Variants in MGAT2 observed in about 807,000 individuals in gnomAD.
MGAT2 encodes Beta-1,2-N-acetylglucosaminyltransferase II.
A neutral mutation model predicts 33.8 loss-of-function variants in MGAT2; 17 were observed. The observed-to-expected ratio is 0.50, with a 90% CI of 0.34 to 0.76. The LOEUF (loss-of-function observed/expected upper bound fraction) is 0.76, where lower values mean the gene tolerates loss of function less well. MGAT2 is among the 30% of genes least tolerant of loss of function. The probability of loss-of-function intolerance (pLI) is 0.01; values close to 1 mark genes in which losing one functional copy is unlikely to be tolerated. For missense variants in MGAT2, 529 were observed against 553.9 expected (o/e 0.96, Z 0.45); for synonymous variants, 248 against 226.7 (o/e 1.09, Z -0.84).
Position 49,621,719 on chromosome 14 carries a change from T to G in MGAT2, c.451T>G (p.Phe151Val). 6.2e-7 allele frequency: 1 copy of G among 1,614,232 alleles called. No individual in the cohort carries two copies. Among genetic ancestry groups the G allele is most frequent in the Non-Finnish European group, 8.5e-7 (1 of 1,180,044 alleles). The change falls in exon 1 of 1, where the codon TTT (phenylalanine) becomes GTT (valine). Residue 151 changes from phenylalanine to valine, a missense_variant. Phe to Val is a conservative substitution (Grantham distance 50, BLOSUM62 -1). Coordinates refer to ENST00000305386, the MANE Select transcript of MGAT2 (RefSeq NM_002408.4). This position sits in a 1 kb window ranked among gnomAD's most constrained non-coding sequence, Gnocchi z 4.6. Reference protein sequence around the residue: ...AQGIDNVLVIFSHDFWSTEIN... With the variant: ...AQGIDNVLVIVSHDFWSTEIN... ...GGGAATTGACAACGTCCTCGTCATC[T>G]TTAGCCATGACTTCTGGTCGACCGA...
chr14:49,620,874 C>G lies in MGAT2; in HGVS notation c.-395C>G, dbSNP rs955322747. 2.9e-6 allele frequency: 2 copies of G among 690,848 alleles called. No homozygotes were observed. The highest frequency in any genetic ancestry group is 4.2e-5 in the Admixed American group (2 of 47,978). 42.8% of individuals were successfully genotyped at this position (690,848 alleles called of 1,614,324 possible). On this transcript the variant is annotated 5_prime_UTR_variant, in exon 1 of 1. Transcript: ENST00000305386. Reference sequence around the variant, plus strand: ...TCGCTCAGTTCTGGCCGTCTAGGGCCCCTGTAAGGATGAGAGCGCAGAGGA... The same window carrying G: ...TCGCTCAGTTCTGGCCGTCTAGGGCGCCTGTAAGGATGAGAGCGCAGAGGA...
chr14:49,621,175 G>T lies in MGAT2; in HGVS notation c.-94G>T, dbSNP rs978743608. Reference sequence around the variant, plus strand: ...CGGGGGCCAGTTCCGACCGTGACAGGCCAAGGCGACGGCCGCCGCCCGCCC... The same window carrying T: ...CGGGGGCCAGTTCCGACCGTGACAGTCCAAGGCGACGGCCGCCGCCCGCCC... On this transcript the variant is annotated 5_prime_UTR_variant, in exon 1 of 1. Transcript: ENST00000305386. The surrounding 1 kb of genome is among the most constrained non-coding windows in gnomAD (Gnocchi z 4.6). 29 of 1,575,866 alleles carry T rather than the reference G, an allele frequency of 1.8e-5. No individual in the cohort carries two copies. The Admixed American group carries it at 4.4e-4, about 24-fold the overall frequency.
In MGAT2 at chr14:49,622,462, C is replaced by T. The variant is rs61734676; in HGVS notation, c.1194C>T (p.Leu398=). 3 of 1,612,732 alleles carry T rather than the reference C, an allele frequency of 1.9e-6. No individual in the cohort carries two copies. The highest frequency in any genetic ancestry group is 2.7e-5 in the African/African-American group (2 of 74,716). ...PSTQSAQIES[L]LNNNKQYMFP... ...CTCAGAGTGCCCAAATTGAGTCACT[C>T]TTAAATAATAACAAACAATACATGT... Residue 398 remains leucine, a synonymous_variant, in exon 1 of 1, where the codon CTC becomes CTT. Transcript: ENST00000305386.
Position 49,623,270 on chromosome 14 carries a change from GTTT to G in MGAT2, c.*667_*669del, listed in dbSNP as rs573436485. ...CTCAATGTAGAAATACAGTGGTTTT[GTTT>G]TTTTTTTTCTTTTAGTGCTGACAAA... On this transcript the variant is annotated 3_prime_UTR_variant, in exon 1 of 1. Coordinates refer to ENST00000305386, the MANE Select transcript of MGAT2 (RefSeq NM_002408.4). 6 of 150,422 alleles carry G rather than the reference GTTT, an allele frequency of 4.0e-5. No individual in the cohort carries two copies. Among genetic ancestry groups the G allele is most frequent in the African/African-American group, 1.3e-4 (5 of 38,896 alleles). 9.3% of individuals were successfully genotyped at this position (150,422 alleles called of 1,614,324 possible). A position where few individuals can be genotyped will look rare whatever the true frequency, so the allele number is the denominator to read the frequency against.
At position 49,621,162 on chromosome 14, in the gene MGAT2, C is replaced by G. The variant is rs1882833623; in HGVS notation, c.-107C>G. ...GCGAGGGCAGCCGCGGGGGCCAGTT[C>G]CGACCGTGACAGGCCAAGGCGACGG... On this transcript the variant is annotated 5_prime_UTR_variant, in exon 1 of 1. Transcript: ENST00000305386. The surrounding 1 kb of genome is among the most constrained non-coding windows in gnomAD (Gnocchi z 4.6). The G allele has an allele frequency of 6.5e-7, 1 of 1,538,230 alleles. No individual in the cohort carries two copies. Among genetic ancestry groups the G allele is most frequent in the East Asian group, 2.3e-5 (1 of 42,770 alleles).
Position 49,621,371 on chromosome 14 carries a change from G to A in MGAT2, c.103G>A (p.Glu35Lys). The change falls in exon 1 of 1, where the codon GAG becomes AAG. Residue 35 changes from glutamate to lysine, a missense_variant. Glu to Lys is a moderately conservative substitution (Grantham distance 56, BLOSUM62 1). This residue lies in a region of MGAT2 where 501 missense variants were observed against 501.1 expected (regional missense o/e 1.00). Transcript: ENST00000305386. The surrounding 1 kb of genome is among the most constrained non-coding windows in gnomAD (Gnocchi z 4.6). ...CAGCAATGGGCGACAAAGGAAGAAC[G>A]AGGCCCTCGCCCCACCGTTGCTGGA... is the stretch of plus-strand genomic sequence containing the variant. The part of the protein sequence containing the change: ...WSSNGRQRKN[E>K]ALAPPLLDAE... The A allele has an allele frequency of 6.2e-7, 1 of 1,611,736 alleles. No individual in the cohort carries two copies. Among genetic ancestry groups the A allele is most frequent in the East Asian group, 2.2e-5 (1 of 44,836 alleles).
chr14:49,620,801 A>T lies in MGAT2; in HGVS notation c.-468A>T. 1.7e-6 allele frequency: 1 copy of T among 591,812 alleles called. No individual in the cohort carries two copies. Among genetic ancestry groups the T allele is most frequent in the Non-Finnish European group, 3.0e-6 (1 of 332,516 alleles). 36.7% of individuals were successfully genotyped at this position (591,812 alleles called of 1,614,324 possible). On this transcript the variant is annotated 5_prime_UTR_variant, in exon 1 of 1. Coordinates refer to ENST00000305386, the MANE Select transcript of MGAT2 (RefSeq NM_002408.4). Reference sequence around the variant, plus strand: ...GGAGGGCCGCGGTGTGCCGCGGGGCAGTTGCGGGTTGTCATAACGGTCCCC... The same window carrying T: ...GGAGGGCCGCGGTGTGCCGCGGGGCTGTTGCGGGTTGTCATAACGGTCCCC...
At position 49,621,377 on chromosome 14, in the gene MGAT2, C is replaced by T. The variant is rs764331974; in HGVS notation, c.109C>T (p.Leu37Phe). The change falls in exon 1 of 1, where the codon CTC (leucine) becomes TTC (phenylalanine). Residue 37 changes from leucine (L) to phenylalanine (F), a missense_variant. This residue lies in a region of MGAT2 where 501 missense variants were observed against 501.1 expected (regional missense o/e 1.00). Coordinates refer to ENST00000305386, the MANE Select transcript of MGAT2 (RefSeq NM_002408.4). The surrounding 1 kb of genome is among the most constrained non-coding windows in gnomAD (Gnocchi z 4.6). ...SNGRQRKNEA[L>F]APPLLDAEPA... is the part of the protein sequence containing the mutation. ...TGGGCGACAAAGGAAGAACGAGGCCCTCGCCCCACCGTTGCTGGACGCCGA... is the reference window on the plus strand; with the variant it reads ...TGGGCGACAAAGGAAGAACGAGGCCTTCGCCCCACCGTTGCTGGACGCCGA... 18 of 1,611,172 alleles carry T rather than the reference C, an allele frequency of 1.1e-5. No individual in the cohort carries two copies. Among genetic ancestry groups the T allele is most frequent in the Non-Finnish European group, 1.4e-5 (16 of 1,179,002 alleles).
Position 49,621,126 on chromosome 14 carries a change from G to C in MGAT2, c.-143G>C, listed in dbSNP as rs547937523. 123 of 1,277,472 alleles carry C rather than the reference G, an allele frequency of 9.6e-5. No homozygotes were observed. In the African/African-American group the frequency reaches 1.1e-3, roughly 11 times the overall value. 79.1% of individuals were successfully genotyped at this position (1,277,472 alleles called of 1,614,324 possible). A position where few individuals can be genotyped will look rare whatever the true frequency, so the allele number is the denominator to read the frequency against. On this transcript the variant is annotated 5_prime_UTR_variant, in exon 1 of 1. Coordinates refer to ENST00000305386, the MANE Select transcript of MGAT2 (RefSeq NM_002408.4). This position sits in a 1 kb window ranked among gnomAD's most constrained non-coding sequence, Gnocchi z 4.6. ...TCGGGCCCCAGGACCCCCGGGGCCCGGGATGAGTTAGCGAGGGCAGCCGCG... is the reference window on the plus strand; with the variant it reads ...TCGGGCCCCAGGACCCCCGGGGCCCCGGATGAGTTAGCGAGGGCAGCCGCG...
chr14:49,621,118 C>T lies in MGAT2; in HGVS notation c.-151C>T, dbSNP rs1275926936. 8 of 1,171,878 alleles carry T rather than the reference C, an allele frequency of 6.8e-6. No individual in the cohort carries two copies. The Admixed American group carries it at 1.3e-4, about 19-fold the overall frequency. The allele number at this position is 1,171,878 out of a possible 1,614,324, so 72.6% of individuals were successfully genotyped here. A position where few individuals can be genotyped will look rare whatever the true frequency, so the allele number is the denominator to read the frequency against. ...GAGAGGTCTCGGGCCCCAGGACCCC[C>T]GGGGCCCGGGATGAGTTAGCGAGGG... On this transcript the variant is annotated 5_prime_UTR_variant, in exon 1 of 1. Transcript: ENST00000305386. This position sits in a 1 kb window ranked among gnomAD's most constrained non-coding sequence, Gnocchi z 4.6.
Position 49,622,387 on chromosome 14 carries a change from T to A in MGAT2, c.1119T>A (p.Phe373Leu). 6.2e-7 allele frequency: 1 copy of A among 1,614,180 alleles called. No individual in the cohort carries two copies. The highest frequency in any genetic ancestry group is 8.5e-7 in the Non-Finnish European group (1 of 1,180,026). ...KVLVPQIPRI[F>L]HAGDCGMHHK... Reference sequence around the variant, plus strand: ...TGGTTCCTCAAATTCCTAGGATCTTTCATGCTGGAGACTGTGGTATGCATC... The same window carrying A: ...TGGTTCCTCAAATTCCTAGGATCTTACATGCTGGAGACTGTGGTATGCATC... Residue 373 changes from phenylalanine to leucine, a missense_variant, in exon 1 of 1, where the codon TTT becomes TTA. Physicochemically the swap from Phe to Leu is conservative, Grantham distance 22. Coordinates refer to ENST00000305386, the MANE Select transcript of MGAT2 (RefSeq NM_002408.4).
chr14:49,621,654 A>C lies in MGAT2; in HGVS notation c.386A>C (p.Glu129Ala). ...GTGGTCCAGGTGCATAACCGGCCCG[A>C]ATACCTCAGACTGCTGCTGGACTCA... ...VLVVQVHNRP[E>A]YLRLLLDSLR... The change falls in exon 1 of 1, where the codon GAA becomes GCA. Residue 129 changes from glutamate (E) to alanine (A), a missense_variant. Physicochemically the swap from Glu to Ala is moderately radical, Grantham distance 107 (BLOSUM62 -1). Transcript: ENST00000305386. The surrounding 1 kb of genome is among the most constrained non-coding windows in gnomAD (Gnocchi z 4.6). 1 of 1,614,124 alleles carries C rather than the reference A, an allele frequency of 6.2e-7. No individual in the cohort carries two copies. Among genetic ancestry groups the C allele is most frequent in the Non-Finnish European group, 8.5e-7 (1 of 1,180,018 alleles).
In MGAT2 at chr14:49,620,921, G is replaced by A; in HGVS notation, c.-348G>A. The A allele has an allele frequency of 1.4e-6, 1 of 701,670 alleles. No individual in the cohort carries two copies. Among genetic ancestry groups the A allele is most frequent in the Non-Finnish European group, 2.6e-6 (1 of 384,548 alleles). The allele number at this position is 701,670 out of a possible 1,614,324, so 43.5% of individuals were successfully genotyped here. A position where few individuals can be genotyped will look rare whatever the true frequency, so the allele number is the denominator to read the frequency against. On this transcript the variant is annotated 5_prime_UTR_variant, in exon 1 of 1. Coordinates refer to ENST00000305386, the MANE Select transcript of MGAT2 (RefSeq NM_002408.4). Reference sequence around the variant, plus strand: ...AGGACGCAGGGCCGCTGGAGGCGCAGGTAACGAAGCTAGGGTGCGGTTGGG... The same window carrying A: ...AGGACGCAGGGCCGCTGGAGGCGCAAGTAACGAAGCTAGGGTGCGGTTGGG...
Position 49,622,900 on chromosome 14 carries a change from A to C in MGAT2, c.*288A>C. ...AATTTTATTTAAATTGCATTTATTA[A>C]TCTTTTTATCTGAAACTTTGTACAC... On this transcript the variant is annotated 3_prime_UTR_variant, in exon 1 of 1. Transcript: ENST00000305386. 4.2e-6 allele frequency: 1 copy of C among 237,204 alleles called. No individual in the cohort carries two copies. The highest frequency in any genetic ancestry group is 9.2e-5 in the East Asian group (1 of 10,878). 14.7% of individuals were successfully genotyped at this position (237,204 alleles called of 1,614,324 possible). A position where few individuals can be genotyped will look rare whatever the true frequency, so the allele number is the denominator to read the frequency against.
Position 49,622,696 on chromosome 14 carries a change from C to T in MGAT2, c.*84C>T. ...ACAATTGAATAAAAGAGTTTAGGAA[C>T]TGGTTTCTGCTTTAATACAAAAACA... On this transcript the variant is annotated 3_prime_UTR_variant, in exon 1 of 1. Coordinates refer to ENST00000305386, the MANE Select transcript of MGAT2 (RefSeq NM_002408.4). 7.1e-7 allele frequency: 1 copy of T among 1,408,482 alleles called. No individual in the cohort carries two copies. The highest frequency in any genetic ancestry group is 9.5e-7 in the Non-Finnish European group (1 of 1,051,974). The allele number at this position is 1,408,482 out of a possible 1,614,324, so 87.2% of individuals were successfully genotyped here.
At position 49,620,999 on chromosome 14, in the gene MGAT2, A is replaced by G; in HGVS notation, c.-270A>G. 1.4e-6 allele frequency: 1 copy of G among 703,386 alleles called. No homozygotes were observed. The highest frequency in any genetic ancestry group is 1.5e-5 in the South Asian group (1 of 67,604). The allele number at this position is 703,386 out of a possible 1,614,324, so 43.6% of individuals were successfully genotyped here. On this transcript the variant is annotated 5_prime_UTR_variant, in exon 1 of 1. Transcript: ENST00000305386. ...GTGGTGCTGAATGGAGAGGACGGAG[A>G]CGAAGCCGAGCCGCGGCTCCTAGCG...
Position 49,621,000 on chromosome 14 carries a change from C to T in MGAT2, c.-269C>T, listed in dbSNP as rs1882827344. 1 of 703,600 alleles carries T rather than the reference C, an allele frequency of 1.4e-6. No individual in the cohort carries two copies. Among genetic ancestry groups the T allele is most frequent in the Non-Finnish European group, 2.6e-6 (1 of 386,186 alleles). The allele number at this position is 703,600 out of a possible 1,614,324, so 43.6% of individuals were successfully genotyped here. A position where few individuals can be genotyped will look rare whatever the true frequency, so the allele number is the denominator to read the frequency against. On this transcript the variant is annotated 5_prime_UTR_variant, in exon 1 of 1. The change creates a new upstream start codon in the 5' untranslated region. Transcript: ENST00000305386. ...TGGTGCTGAATGGAGAGGACGGAGA[C>T]GAAGCCGAGCCGCGGCTCCTAGCGG... is the stretch of plus-strand genomic sequence containing the variant.
In MGAT2 at chr14:49,623,373, A is replaced by C. The variant is rs1882910725; in HGVS notation, c.*761A>C. The C allele has an allele frequency of 6.0e-6, 1 of 167,038 alleles. No individual in the cohort carries two copies. Among genetic ancestry groups the C allele is most frequent in the Admixed American group, 6.5e-5 (1 of 15,290 alleles). 10.3% of individuals were successfully genotyped at this position (167,038 alleles called of 1,614,324 possible). A position where few individuals can be genotyped will look rare whatever the true frequency, so the allele number is the denominator to read the frequency against. ...AAGTTTTGTTTACTCTTTATACCAA[A>C]ATTCAGTGAAGGCATTCTACAAGTT... On this transcript the variant is annotated 3_prime_UTR_variant, in exon 1 of 1. Coordinates refer to ENST00000305386, the MANE Select transcript of MGAT2 (RefSeq NM_002408.4).
At position 49,621,197 on chromosome 14, in the gene MGAT2, G is replaced by A; in HGVS notation, c.-72G>A. ...CAGGCCAAGGCGACGGCCGCCGCCC[G>A]CCCGCCCCTTCCGTGCAGAAGCAGC... On this transcript the variant is annotated 5_prime_UTR_variant, in exon 1 of 1. Transcript: ENST00000305386. The surrounding 1 kb of genome is among the most constrained non-coding windows in gnomAD (Gnocchi z 4.6). 6.3e-7 allele frequency: 1 copy of A among 1,590,978 alleles called. No individual in the cohort carries two copies. Among genetic ancestry groups the A allele is most frequent in the Non-Finnish European group, 8.6e-7 (1 of 1,167,098 alleles).
Sources: allele counts gnomAD v4.1 joint callset, GRCh38; gene constraint gnomAD v4.1.1; regional missense constraint gnomAD v4.1.1; non-coding constraint Gnocchi (gnomAD v3.1); transcripts MANE v1.5; gene names NCBI Gene and HGNC (gene_info 2026-07-23, HGNC 2026-07-21).